DLG2: variants seen among roughly 807,000 people sequenced by gnomAD.
The protein encoded by DLG2 is disks large homolog 2.
A neutral mutation model predicts 132.5 loss-of-function variants in DLG2; 45 were observed. The ratio of observed to expected loss-of-function variants is 0.34; its 90% CI spans 0.27 to 0.44. The LOEUF is 0.44. Among genes scored for constraint, DLG2 ranks in the 20% least tolerant of loss-of-function variants. The pLI, the probability that DLG2 is intolerant of heterozygous loss-of-function variation, is 1.00. For missense variants in DLG2, 1,045 were observed against 1,196.9 expected (o/e 0.87, Z 1.87); for synonymous variants, 424 against 419.6 (o/e 1.01, Z -0.13).
intron 7 of DLG2, among the ~76,000 whole-genome samples, chr11:84,389,823 C>G (rs996317610): frequency 6.6e-6 from 1 of 152,166 alleles, no homozygotes; most frequent in African/African-American, 2.4e-5. Context: ...GAACATCAAA[C>G]TCAACTCATG....
chr11:84,461,898 C>A (rs1050826654), intron 7 of DLG2, among the ~76,000 whole-genome samples: 1 of 150,626 alleles, frequency 6.6e-6, no homozygotes, highest in African/African-American at 2.4e-5. Context: ...ACATAGTAGC[C>A]ATTCAGTAAA....
intron 6 of DLG2, among the ~76,000 whole-genome samples, chr11:84,728,699 G>C (rs1216056980): frequency 6.6e-6 from 1 of 152,096 alleles, no homozygotes; most frequent in Non-Finnish European, 1.5e-5. Context: ...GGTAGAATTT[G>C]GCTGTGAATC....
intron 6 of DLG2, among the ~76,000 whole-genome samples, chr11:84,796,412 G>A (rs980827498): frequency 6.6e-6 from 1 of 152,058 alleles, no homozygotes; most frequent in Non-Finnish European, 1.5e-5. Flanking sequence ...TTCTACTTAA[G>A]ATATTAGTAG....
chr11:84,056,277 A>G (rs796670834), intron 11 of DLG2, among the ~76,000 whole-genome samples: 2 of 152,094 alleles, frequency 1.3e-5, no homozygotes, highest in African/African-American at 2.4e-5. Flanking sequence ...CCCTGTGTCC[A>G]TGTGTTCTCA....
intron 4 of DLG2, among the ~76,000 whole-genome samples, chr11:85,161,378 G>A (rs1192541115): frequency 1.3e-5 from 2 of 152,182 alleles, no homozygotes; most frequent in East Asian, 3.9e-4. Flanking sequence ...CCACTGCTGA[G>A]TGTCCAATTT....
intron 6 of DLG2, among the ~76,000 whole-genome samples, chr11:84,805,383 T>C (rs1191552107): frequency 2.0e-5 from 3 of 151,392 alleles, no homozygotes; most frequent in Non-Finnish European, 4.4e-5. Flanking sequence ...AGACCTAAAG[T>C]AGAGAAAAAA....
intron 6 of DLG2, among the ~76,000 whole-genome samples, chr11:84,839,505 T>C (rs1476709409): frequency 6.6e-6 from 1 of 152,062 alleles, no homozygotes; most frequent in African/African-American, 2.4e-5. Context: ...TTAAAGTTCA[T>C]ATGGAACCAA....
intron 4 of DLG2, among the ~76,000 whole-genome samples, chr11:85,193,844 G>A (rs2080823639): frequency 1.3e-5 from 2 of 152,094 alleles, no homozygotes; most frequent in South Asian, 2.1e-4. Context: ...TTTCTTAACA[G>A]TAACCTTTGA....
At chr11:85,142,069 G>C (rs2076526860) in intron 5 of DLG2, among the ~76,000 whole-genome samples, 1 of 151,672 alleles carries the variant, frequency 6.6e-6, no homozygotes, top group African/African-American at 2.4e-5. Flanking sequence ...ACAAATTTTA[G>C]GATTACTTTG....
At chr11:85,317,239 G>A (rs561712545) in intron 3 of DLG2, among the ~76,000 whole-genome samples, 7 of 151,888 alleles carry the variant, frequency 4.6e-5, no homozygotes, top group South Asian at 2.1e-4. Context: ...AGACATAGAC[G>A]GGGCTCCATT....
intron 16 of DLG2, among the ~76,000 whole-genome samples, chr11:83,861,883 T>A (rs1017837715): frequency 2.6e-5 from 4 of 152,204 alleles, no homozygotes; most frequent in African/African-American, 7.2e-5. Flanking sequence ...ATAATTGCAT[T>A]GTTTGTAACT....
chr11:83,799,726 G>C (rs2043831376), intron 17 of DLG2, among the ~76,000 whole-genome samples: 1 of 152,154 alleles, frequency 6.6e-6, no homozygotes, highest in African/African-American at 2.4e-5. Context: ...GATGGAGAGT[G>C]GGTTTGGGTG....
intron 21 of DLG2, among the ~76,000 whole-genome samples, chr11:83,504,972 G>A (rs1279145819): frequency 2.8e-5 from 3 of 107,586 alleles, no homozygotes; most frequent in Non-Finnish European, 6.3e-5. Context: ...AATTCCATGA[G>A]CAGCCACACT....
chr11:84,502,223 C>T (rs375422947), intron 7 of DLG2, among the ~76,000 whole-genome samples: 134 of 8,952 alleles, frequency 0.015, 5 homozygotes, highest in Middle Eastern at 0.091. Flanking sequence ...TCCTTCCTTC[C>T]TTCCTTCCTT....
At chr11:83,970,007 A>G (rs2091013544) in intron 12 of DLG2, among the ~76,000 whole-genome samples, 1 of 152,170 alleles carries the variant, frequency 6.6e-6, no homozygotes, top group African/African-American at 2.4e-5. Context: ...ATCTATACTG[A>G]GAGAACAGAA....
chr11:84,707,331 C>T (rs979812145), intron 6 of DLG2, among the ~76,000 whole-genome samples: 2 of 151,760 alleles, frequency 1.3e-5, no homozygotes, highest in African/African-American at 4.8e-5. Context: ...TTTGATTCTA[C>T]AAATCTCCTC....
intron 6 of DLG2, among the ~76,000 whole-genome samples, chr11:84,613,260 T>C (rs911067673): frequency 1.1e-4 from 17 of 152,032 alleles, no homozygotes; most frequent in Admixed American, 9.8e-4. Flanking sequence ...CATGAGATAG[T>C]TTAAAAACAC....
At chr11:83,602,798 G>A (rs1328518457) in intron 19 of DLG2, among the ~76,000 whole-genome samples, 1 of 152,174 alleles carries the variant, frequency 6.6e-6, no homozygotes, top group East Asian at 1.9e-4. Flanking sequence ...TGGTGACAAG[G>A]ATGTGATATT....
At chr11:85,468,405 G>A (rs1301959353) in intron 3 of DLG2, among the ~76,000 whole-genome samples, 3 of 151,988 alleles carry the variant, frequency 2.0e-5, no homozygotes, top group East Asian at 3.9e-4. Context: ...TGTGATGTTC[G>A]GGTGTCAATT....
Sources: allele counts gnomAD v4.1 joint callset (sites outside exome capture counted in the v4.1 genomes callset), GRCh38; gene constraint gnomAD v4.1.1; transcripts MANE v1.5; gene names NCBI Gene and HGNC (gene_info 2026-07-23, HGNC 2026-07-21).